Variants in MAN1C1 observed in about 807,000 individuals in gnomAD.
MAN1C1 encodes the protein mannosyl-oligosaccharide 1,2-alpha-mannosidase IC.
MAN1C1 carries 49 observed loss-of-function variants against 71.5 expected under a neutral mutation model. The observed-to-expected ratio is 0.69, with a 90% confidence interval of 0.54 to 0.87. MAN1C1 has a LOEUF of 0.87. MAN1C1 is among the 40% of genes least tolerant of loss of function. The probability of loss-of-function intolerance (pLI) is 0.00; values close to 1 mark genes in which losing one functional copy is unlikely to be tolerated. For synonymous variants in MAN1C1, 352 were observed against 343.7 expected, an observed-to-expected ratio of 1.02 and a Z score of -0.27; for missense variants, 743 against 835.0, an observed-to-expected ratio of 0.89 and a Z score of 1.36.
At chr1:25,667,484 C>CAAAAAA (rs756375842) in intron 1 of MAN1C1, among the ~76,000 whole-genome samples, 2 of 49,310 alleles carry the variant, frequency 4.1e-5, no homozygotes, top group Non-Finnish European at 4.7e-5. Context: ...GACTCCATCT[C>CAAAAAA]AAAAAAAAAA....
At position 25,725,710 on chromosome 1, in the gene MAN1C1, T is replaced by C. The variant is rs2046822496; in HGVS notation, c.638-20958T>C. Among the ~76,000 whole-genome samples the C allele has an allele frequency of 6.6e-6, 1 of 152,212 alleles. No individual in the cohort carries two copies. Among genetic ancestry groups the C allele is most frequent in the Admixed American group, 6.5e-5 (1 of 15,278 alleles). On this transcript the variant is annotated intron_variant, in intron 2 of 11. Transcript: ENST00000374332. The surrounding 1 kb of genome is among the most constrained non-coding windows in gnomAD (Gnocchi z 4.8). ...CTGCCTCGCCTCCCACTTTGCCCTCTAGATGGCATTATTAAGGATTCTCTC... is the reference window on the plus strand; with the variant it reads ...CTGCCTCGCCTCCCACTTTGCCCTCCAGATGGCATTATTAAGGATTCTCTC...
At chr1:25,743,367 A>G (rs1169362457) in intron 2 of MAN1C1, among the ~76,000 whole-genome samples, 2 of 152,194 alleles carry the variant, frequency 1.3e-5, no homozygotes. Flanking sequence ...TGTATAAATC[A>G]TGGTCTGTTT....
intron 1 of MAN1C1, among the ~76,000 whole-genome samples, chr1:25,683,695 T>C (rs2046187282): frequency 7.0e-6 from 1 of 143,522 alleles, no homozygotes; most frequent in Admixed American, 6.9e-5. Context: ...CCACCATGGC[T>C]ATAGCCCAGA....
chr1:25,749,117 A>G (rs2124343436), intron 3 of MAN1C1, 138 bp from the exon 4 acceptor site: 1 of 604,600 alleles, frequency 1.7e-6, no homozygotes. Flanking sequence ...TTTTGTTATG[A>G]AAACCATCGT....
chr1:25,731,750 G>T (rs2046912561), intron 2 of MAN1C1, among the ~76,000 whole-genome samples: 2 of 152,218 alleles, frequency 1.3e-5, no homozygotes, highest in South Asian at 4.1e-4. Context: ...CTATAGGAGT[G>T]TGGGCTGGTC....
At chr1:25,774,597 C>T (rs1034776475) in intron 8 of MAN1C1, among the ~76,000 whole-genome samples, 4 of 152,160 alleles carry the variant, frequency 2.6e-5, no homozygotes, top group Admixed American at 6.5e-5. Context: ...AGCCAGGCTT[C>T]GAATATCCTC....
intron 2 of MAN1C1, among the ~76,000 whole-genome samples, chr1:25,688,964 G>A (rs778400432): frequency 1.6e-4 from 24 of 152,294 alleles, no homozygotes; most frequent in South Asian, 1.2e-3. Context: ...TACATGTAGC[G>A]TTCCTAGCAG....
At chr1:25,707,218 G>C (rs1430179464) in intron 2 of MAN1C1, among the ~76,000 whole-genome samples, 1 of 152,196 alleles carries the variant, frequency 6.6e-6, no homozygotes, top group Non-Finnish European at 1.5e-5. Flanking sequence ...AAATGCCAAC[G>C]TATAAAGCCA....
At chr1:25,771,482 C>A (rs1308691409) in intron 7 of MAN1C1, among the ~76,000 whole-genome samples, 175 bp from the exon 8 acceptor site, 1 of 152,200 alleles carries the variant, frequency 6.6e-6, no homozygotes. Flanking sequence ...TCCTCCAAGT[C>A]GCAGGCTGTG....
chr1:25,644,651 TGGTACTACA>T, intron 1 of MAN1C1: 1 of 149,974 alleles, frequency 6.7e-6, no homozygotes. Flanking sequence ...TCAGCCTCTC[TGGTACTACA>T]GGAGCGTGCC....
At chr1:25,657,114 C>G (rs140342117) in intron 1 of MAN1C1, among the ~76,000 whole-genome samples, 7,229 of 152,256 alleles carry the variant, frequency 0.047, 566 homozygotes, top group African/African-American at 0.16. Flanking sequence ...CGTGAGCCAC[C>G]GCGCCCAGCC....
chr1:25,688,330 G>A (rs979760741), intron 2 of MAN1C1, among the ~76,000 whole-genome samples: 1 of 152,204 alleles, frequency 6.6e-6, no homozygotes, highest in Non-Finnish European at 1.5e-5. Flanking sequence ...AAGATTGCTG[G>A]TGCAGATCCC....
At chr1:25,765,084 A>C (rs568820659) in intron 7 of MAN1C1, among the ~76,000 whole-genome samples, 5 of 152,162 alleles carry the variant, frequency 3.3e-5, no homozygotes, top group African/African-American at 1.2e-4. Flanking sequence ...TCATCTATAC[A>C]TCTTAGACCT....
At chr1:25,712,831 C>T (rs1416218552) in intron 2 of MAN1C1, among the ~76,000 whole-genome samples, 3 of 152,100 alleles carry the variant, frequency 2.0e-5, no homozygotes, top group African/African-American at 7.2e-5. Context: ...CTGTGGATTC[C>T]CACGGTCCCT....
chr1:25,699,667 G>C (rs2046412436), intron 2 of MAN1C1, among the ~76,000 whole-genome samples: 1 of 152,194 alleles, frequency 6.6e-6, no homozygotes, highest in South Asian at 2.1e-4. Context: ...GTTACTTCTA[G>C]GTCCTAAAAT....
intron 7 of MAN1C1, among the ~76,000 whole-genome samples, chr1:25,768,398 CCA>C (rs1481548276): frequency 1.0e-5 from 1 of 96,530 alleles, no homozygotes; most frequent in East Asian, 3.4e-4. Context: ...TCACATACAT[CCA>C]CACTCCCCTC....
At chr1:25,714,730 C>G (rs2046657954) in intron 2 of MAN1C1, among the ~76,000 whole-genome samples, 1 of 152,032 alleles carries the variant, frequency 6.6e-6, no homozygotes, top group African/African-American at 2.4e-5. Context: ...TGTCACATAC[C>G]AGGTAGAATC....
intron 2 of MAN1C1, among the ~76,000 whole-genome samples, chr1:25,695,180 G>A (rs192140795): frequency 8.5e-5 from 13 of 152,192 alleles, no homozygotes; most frequent in African/African-American, 3.1e-4. Context: ...GCACATTCCT[G>A]ACCCAGGCTT....
chr1:25,670,160 T>TGAAACCCATCACCC (rs1553184937), intron 1 of MAN1C1, among the ~76,000 whole-genome samples: 1 of 152,228 alleles, frequency 6.6e-6, no homozygotes, highest in Non-Finnish European at 1.5e-5. Flanking sequence ...CCAAAGGCTC[T>TGAAACCCATCACCC]GAAACCCATC....
Sources: allele counts gnomAD v4.1 joint callset (sites outside exome capture counted in the v4.1 genomes callset), GRCh38; gene constraint gnomAD v4.1.1; non-coding constraint Gnocchi (gnomAD v3.1); transcripts MANE v1.5; gene names NCBI Gene and HGNC (gene_info 2026-07-23, HGNC 2026-07-21).